PLPPR1: variants seen among roughly 807,000 people sequenced by gnomAD.
The protein encoded by PLPPR1 is phospholipid phosphatase-related protein type 1.
In PLPPR1, 10 loss-of-function variants were observed where a neutral mutation model predicts 33.1. That is an observed-to-expected ratio of 0.30 (90% CI 0.19 to 0.51). The LOEUF is 0.51. PLPPR1 is among the 20% of genes least tolerant of loss of function. The pLI, the probability that PLPPR1 is intolerant of heterozygous loss-of-function variation, is 0.97. For synonymous variants in PLPPR1, 151 were observed against 151.0 expected (o/e 1.00, Z 0.00); for missense variants, 304 against 408.1 (o/e 0.74, Z 2.20).
At chr9:101,237,954 TAC>T (rs1168931221) in intron 2 of PLPPR1, among the ~76,000 whole-genome samples, 31 of 127,560 alleles carry the variant, frequency 2.4e-4, no homozygotes, top group African/African-American at 7.9e-4. Flanking sequence ...TATATATATA[TAC>T]ACACACACAC....
intron 2 of PLPPR1, among the ~76,000 whole-genome samples, chr9:101,261,478 G>A (rs1827898300): frequency 6.6e-6 from 1 of 152,146 alleles, no homozygotes; most frequent in South Asian, 2.1e-4. Context: ...AAGAGGGGAT[G>A]AATTCTCATA....
chr9:101,256,329 C>T (rs961558419), intron 2 of PLPPR1, among the ~76,000 whole-genome samples: 2 of 152,092 alleles, frequency 1.3e-5, no homozygotes, highest in African/African-American at 4.8e-5. Flanking sequence ...ATGGTGTGAT[C>T]ACATAAAACT....
At position 101,084,710 on chromosome 9, in the gene PLPPR1, T is replaced by C. The variant is rs137910568; in HGVS notation, c.-46+55608T>C. Among the ~76,000 whole-genome samples the C allele has an allele frequency of 2.7e-3, 406 of 152,320 alleles. 2 individuals are homozygous for C. Among genetic ancestry groups the C allele is most frequent in the African/African-American group, 9.1e-3 (378 of 41,590 alleles). Reference sequence around the variant, plus strand: ...ATTTCTTTGGGACATGGTATGTAGGTCTTTGACTAGGTACTAAGCATAAAG... The same window carrying C: ...ATTTCTTTGGGACATGGTATGTAGGCCTTTGACTAGGTACTAAGCATAAAG... On this transcript the variant is annotated intron_variant, in intron 1 of 7. Transcript: ENST00000374874.
chr9:101,295,561 G>T (rs373595827), intron 4 of PLPPR1, among the ~76,000 whole-genome samples: 2,970 of 150,982 alleles, frequency 0.02, 39 homozygotes, highest in Middle Eastern at 0.063. Context: ...ATACTACAAG[G>T]CTACAGTAAC....
rs1207035947 is a variant in PLPPR1 at position 101,168,854 on chromosome 9, A to AT, written c.-45-16590dup. 9.8e-5 allele frequency among the ~76,000 whole-genome samples: 15 copies of AT among 152,288 alleles called. No individual in the cohort carries two copies. In the South Asian group the frequency reaches 2.1e-3, roughly 21 times the overall value. On this transcript the variant is annotated intron_variant, in intron 1 of 7. Transcript: ENST00000374874. ...CAAGTTCATCTTAAGCCTTATGTAT[A>AT]TTTTTTATTGAAAGAGTGTAAGAGA... is the stretch of plus-strand genomic sequence containing the variant.
chr9:101,041,097 G>A (rs1830072685), intron 1 of PLPPR1, among the ~76,000 whole-genome samples: 1 of 152,134 alleles, frequency 6.6e-6, no homozygotes, highest in Admixed American at 6.5e-5. Flanking sequence ...TGGTCCCATA[G>A]GACAGCTCTT....
intron 1 of PLPPR1, among the ~76,000 whole-genome samples, chr9:101,073,483 T>A (rs1588016862): frequency 6.7e-6 from 1 of 149,516 alleles, no homozygotes; most frequent in Admixed American, 6.7e-5. Flanking sequence ...AATTTTATGC[T>A]AAAAAAAAAA....
At chr9:101,321,209 C>A (rs1417417060) in intron 7 of PLPPR1, among the ~76,000 whole-genome samples, 1 of 152,116 alleles carries the variant, frequency 6.6e-6, no homozygotes, top group Non-Finnish European at 1.5e-5. Flanking sequence ...GAAATCCATC[C>A]CACTATTCAA....
chr9:101,064,522 A>G (rs991721795), intron 1 of PLPPR1, among the ~76,000 whole-genome samples: 3 of 152,032 alleles, frequency 2.0e-5, no homozygotes, highest in African/African-American at 4.8e-5. Context: ...TGAGCCAGTC[A>G]GAAGCACATT....
intron 1 of PLPPR1, among the ~76,000 whole-genome samples, chr9:101,038,425 A>G (rs1240910336): frequency 6.6e-6 from 1 of 152,112 alleles, no homozygotes; most frequent in African/African-American, 2.4e-5. Context: ...CTAGCAAGAG[A>G]AAAAAATAAC....
chr9:101,228,492 G>A (rs542448219), intron 2 of PLPPR1, among the ~76,000 whole-genome samples: 1 of 152,088 alleles, frequency 6.6e-6, no homozygotes, highest in Non-Finnish European at 1.5e-5. Context: ...TAAAAGCGCG[G>A]TGTAAAAAAT....
chr9:101,236,800 C>T (rs1305322754), intron 2 of PLPPR1, among the ~76,000 whole-genome samples: 4 of 151,264 alleles, frequency 2.6e-5, no homozygotes, highest in African/African-American at 9.7e-5. Context: ...TTATTGTTAA[C>T]CCTCAAAAGC....
At chr9:101,246,091 T>A (rs57465487) in intron 2 of PLPPR1, among the ~76,000 whole-genome samples, 2 of 110,098 alleles carry the variant, frequency 1.8e-5, no homozygotes, top group Non-Finnish European at 4.0e-5. Flanking sequence ...TATATATATA[T>A]ATATATATAT....
At chr9:101,184,090 T>A (rs1275062278) in intron 1 of PLPPR1, among the ~76,000 whole-genome samples, 1 of 151,764 alleles carries the variant, frequency 6.6e-6, no homozygotes. Context: ...ATCAATTCAA[T>A]GTGTTTTCTA....
intron 2 of PLPPR1, among the ~76,000 whole-genome samples, chr9:101,267,906 C>T (rs947796699): frequency 2.6e-5 from 4 of 152,190 alleles, no homozygotes; most frequent in East Asian, 3.9e-4. Context: ...GTTTTGGAGA[C>T]AGAGTCTCTA....
intron 1 of PLPPR1, among the ~76,000 whole-genome samples, chr9:101,097,176 C>A (rs1830829494): frequency 6.6e-6 from 1 of 152,130 alleles, no homozygotes; most frequent in Non-Finnish European, 1.5e-5. Flanking sequence ...TTGCTGGGAC[C>A]TCACCCCAGA....
At chr9:101,069,016 T>C (rs577763964) in intron 1 of PLPPR1, among the ~76,000 whole-genome samples, 2 of 152,176 alleles carry the variant, frequency 1.3e-5, no homozygotes, top group African/African-American at 4.8e-5. Context: ...GGAAATTGAC[T>C]ACTGGAAAGA....
At position 101,144,481 on chromosome 9, in the gene PLPPR1, A is replaced by T. The variant is rs118078829; in HGVS notation, c.-45-40969A>T. Among the ~76,000 whole-genome samples, 62 of 152,262 alleles carry T rather than the reference A, an allele frequency of 4.1e-4. 2 individuals carry two copies. In the East Asian group the frequency reaches 0.01, roughly 25 times the overall value. On this transcript the variant is annotated intron_variant, in intron 1 of 7. Coordinates refer to ENST00000374874, the MANE Select transcript of PLPPR1 (RefSeq NM_207299.2). ...CTAATCCAATGATGGGTGTCCTTGT[A>T]AGAAGAGATTAGGACACAGAGACAC...
chr9:101,163,649 A>G (rs980428994), intron 1 of PLPPR1, among the ~76,000 whole-genome samples: 1 of 152,136 alleles, frequency 6.6e-6, no homozygotes, highest in Admixed American at 6.6e-5. Context: ...GAACCCATCT[A>G]GATTTTACTC....
Sources: gnomAD v4.1 joint callset for allele counts (sites outside exome capture counted in the v4.1 genomes callset) on GRCh38, gnomAD v4.1.1 for gene constraint, MANE v1.5 for transcripts, NCBI Gene and HGNC (gene_info 2026-07-23, HGNC 2026-07-21) for gene names.